SNTG2: variants seen among roughly 807,000 people sequenced by gnomAD.
SNTG2 encodes gamma-2-syntrophin.
In SNTG2, 74 loss-of-function variants were observed where a neutral mutation model predicts 70.9. That is an observed-to-expected ratio of 1.04 (90% CI 0.86 to 1.27). The LOEUF (loss-of-function observed/expected upper bound fraction) is 1.27, where lower values mean the gene tolerates loss of function less well. Ranked by LOEUF, SNTG2 falls within the 50% of genes most tolerant of loss-of-function variation. The probability of loss-of-function intolerance (pLI) is 0.00; values close to 1 mark genes in which losing one functional copy is unlikely to be tolerated. For synonymous variants in SNTG2, 278 were observed against 273.8 expected, an observed-to-expected ratio of 1.02 and a Z score of -0.15; for missense variants, 717 against 690.7, an observed-to-expected ratio of 1.04 and a Z score of -0.43.
At chr2:1,033,577 G>T (rs1023471938) in intron 1 of SNTG2, among the ~76,000 whole-genome samples, 3 of 151,578 alleles carry the variant, frequency 2.0e-5, no homozygotes, top group Non-Finnish European at 4.4e-5. Context: ...CAGATACTTT[G>T]CTTAGTAAAA....
chr2:1,263,524 A>G (rs1271002717), intron 13 of SNTG2, among the ~76,000 whole-genome samples: 1 of 152,002 alleles, frequency 6.6e-6, no homozygotes, highest in Admixed American at 6.6e-5. Flanking sequence ...GAAAGGGAAC[A>G]TAATAAGATG....
chr2:1,291,388 G>A (rs944081924), intron 14 of SNTG2, among the ~76,000 whole-genome samples: 1 of 152,158 alleles, frequency 6.6e-6, no homozygotes, highest in East Asian at 1.9e-4. Context: ...TTGGTTGCCT[G>A]TGTTTTTGGT....
intron 1 of SNTG2, among the ~76,000 whole-genome samples, chr2:1,066,727 A>AT (rs1336701449): frequency 1.3e-5 from 2 of 151,498 alleles, no homozygotes; most frequent in Non-Finnish European, 2.9e-5. Flanking sequence ...ATTTTTTTTT[A>AT]TTTTTGCTCA....
chr2:1,105,603 A>G (rs1342778386), intron 4 of SNTG2, among the ~76,000 whole-genome samples: 4 of 152,188 alleles, frequency 2.6e-5, no homozygotes, highest in African/African-American at 9.7e-5. Flanking sequence ...CGTTCTATAC[A>G]TAGATTTTAT....
intron 16 of SNTG2, among the ~76,000 whole-genome samples, chr2:1,332,628 A>G (rs1438915160): frequency 6.6e-6 from 1 of 152,254 alleles, no homozygotes; most frequent in African/African-American, 2.4e-5. Context: ...AATGGGTTTC[A>G]TACTGAGGAT....
chr2:1,159,109 T>C (rs981401819), intron 6 of SNTG2, among the ~76,000 whole-genome samples: 2 of 45,292 alleles, frequency 4.4e-5, no homozygotes, highest in East Asian at 3.2e-4. Context: ...CGTGTACCTG[T>C]GTGTTCGTGT....
At chr2:961,890 C>T (rs1660362588) in intron 1 of SNTG2, among the ~76,000 whole-genome samples, 1 of 152,200 alleles carries the variant, frequency 6.6e-6, no homozygotes, top group Admixed American at 6.5e-5. Context: ...TTATAGAAAA[C>T]ACACTGGTGT....
chr2:1,078,844 T>C (rs6712735), intron 1 of SNTG2, among the ~76,000 whole-genome samples: 150,481 of 152,150 alleles, frequency 0.99, 74,437 homozygotes, highest in East Asian at 1. Context: ...AGTTGGACAC[T>C]GAGGGTCAGG....
chr2:1,072,332 C>CTTTTTT (rs1242829771), intron 1 of SNTG2, among the ~76,000 whole-genome samples: 4 of 100,382 alleles, frequency 4.0e-5, no homozygotes, highest in Admixed American at 1.2e-4. Context: ...TTTTCTTTTT[C>CTTTTTT]TTTTCTTTTT....
chr2:1,247,406 T>A lies in SNTG2; in HGVS notation c.968T>A (p.Leu323Gln). The A allele has an allele frequency of 6.2e-7, 1 of 1,613,948 alleles. No individual in the cohort carries two copies. Among genetic ancestry groups the A allele is most frequent in the Non-Finnish European group, 8.5e-7 (1 of 1,179,832 alleles). The change falls in exon 12 of 17, where the codon CTG (leucine) becomes CAG (glutamine). Residue 323 changes from leucine to glutamine, a missense_variant. Coordinates refer to ENST00000308624, the MANE Select transcript of SNTG2 (RefSeq NM_018968.4). ...ACCTTCAGACCCAAGTTCCTAGCAC[T>A]GAAGGGCCCGTCCTTCTACGTTTTC... ...SQTFRPKFLA[L>Q]KGPSFYVFST...
At chr2:1,194,284 CT>C (rs1193696239) in intron 8 of SNTG2, among the ~76,000 whole-genome samples, 1 of 152,186 alleles carries the variant, frequency 6.6e-6, no homozygotes, top group Non-Finnish European at 1.5e-5. Context: ...AGAGTATTGT[CT>C]TTCTCCGTGT....
At chr2:1,163,865 G>A (rs556151214) in intron 6 of SNTG2, 1 of 152,426 alleles carries the variant, frequency 6.6e-6, no homozygotes, top group African/African-American at 2.4e-5. Flanking sequence ...GACCAGCCAT[G>A]CCAGATAGAA....
intron 16 of SNTG2, among the ~76,000 whole-genome samples, chr2:1,332,412 C>T (rs534247597): frequency 6.6e-6 from 1 of 152,106 alleles, no homozygotes; most frequent in Non-Finnish European, 1.5e-5. Context: ...ACGGAATCCT[C>T]CCTAAACCAT....
At chr2:1,046,460 A>G (rs1036269047) in intron 1 of SNTG2, among the ~76,000 whole-genome samples, 5 of 152,098 alleles carry the variant, frequency 3.3e-5, no homozygotes, top group African/African-American at 7.2e-5. Flanking sequence ...TCAATGGTCT[A>G]TGTATTTCAG....
At chr2:1,233,902 GT>G (rs1470314721) in intron 9 of SNTG2, among the ~76,000 whole-genome samples, 1 of 152,086 alleles carries the variant, frequency 6.6e-6, no homozygotes, top group East Asian at 1.9e-4. Context: ...TTTCTTCTCG[GT>G]GGACCCCGGG....
chr2:1,256,472 A>C (rs569960948), intron 12 of SNTG2: 9 of 152,300 alleles, frequency 5.9e-5, no homozygotes, highest in South Asian at 2.1e-4. Flanking sequence ...CTCTTCTTGG[A>C]TACCTTGGAC....
chr2:1,217,337 G>A (rs983692209), intron 9 of SNTG2, among the ~76,000 whole-genome samples: 7 of 152,156 alleles, frequency 4.6e-5, no homozygotes, highest in African/African-American at 1.7e-4. Context: ...TTGGTAAAAT[G>A]GGAACTATGC....
At chr2:1,130,570 C>T (rs1342813070) in intron 4 of SNTG2, among the ~76,000 whole-genome samples, 2 of 152,174 alleles carry the variant, frequency 1.3e-5, no homozygotes, top group African/African-American at 2.4e-5. Flanking sequence ...ATCTAGATGG[C>T]TTGTCCATCC....
At chr2:1,293,418 C>CT (rs1680071020) in intron 14 of SNTG2, among the ~76,000 whole-genome samples, 1 of 150,864 alleles carries the variant, frequency 6.6e-6, no homozygotes, top group African/African-American at 2.4e-5. Context: ...GCGTGTTTTT[C>CT]TTTTTTCTAG....
Sources: allele counts gnomAD v4.1 joint callset (sites outside exome capture counted in the v4.1 genomes callset), GRCh38; gene constraint gnomAD v4.1.1; transcripts MANE v1.5; gene names NCBI Gene and HGNC (gene_info 2026-07-23, HGNC 2026-07-21).